The following CTNNA3 variants were observed in gnomAD, a reference collection of about 807,000 sequenced individuals.
CTNNA3 encodes the protein catenin alpha-3.
Under a neutral mutation model 95.7 loss-of-function variants are expected in CTNNA3, and 76 were observed. The ratio of observed to expected loss-of-function variants is 0.79; its 90% CI spans 0.66 to 0.96. The LOEUF is 0.96. Ranked by LOEUF, CTNNA3 falls within the 40% of genes least tolerant of loss-of-function variation. The probability of loss-of-function intolerance (pLI) is 0.00; values close to 1 mark genes in which losing one functional copy is unlikely to be tolerated. For synonymous variants in CTNNA3, 431 were observed against 374.4 expected (o/e 1.15, Z -1.74); for missense variants, 1,191 against 1,089.8 (o/e 1.09, Z -1.31).
At chr10:66,702,752 G>GTAGTAGTAA (rs1847993757) in intron 9 of CTNNA3, among the ~76,000 whole-genome samples, 1 of 149,432 alleles carries the variant, frequency 6.7e-6, no homozygotes, top group African/African-American at 2.5e-5. Flanking sequence ...AGTAGTAGTA[G>GTAGTAGTAA]TAGTAGTAGT....
At chr10:67,082,383 G>A (rs556029921) in intron 7 of CTNNA3, among the ~76,000 whole-genome samples, 47 of 152,266 alleles carry the variant, frequency 3.1e-4, no homozygotes, top group African/African-American at 1.1e-3. Context: ...CTAGCACTGA[G>A]CAGAAGGAAG....
intron 1 of CTNNA3, among the ~76,000 whole-genome samples, chr10:67,734,471 T>A (rs908885225): frequency 6.6e-6 from 1 of 152,122 alleles, no homozygotes; most frequent in African/African-American, 2.4e-5. Flanking sequence ...GGGAAAGGAA[T>A]AATCTAGCAG....
At chr10:66,776,600 T>G (rs1018549779) in intron 7 of CTNNA3, among the ~76,000 whole-genome samples, 6 of 152,150 alleles carry the variant, frequency 3.9e-5, no homozygotes, top group Non-Finnish European at 7.3e-5. Flanking sequence ...TATACTCTCC[T>G]TTACAGTAGC....
intron 7 of CTNNA3, among the ~76,000 whole-genome samples, chr10:67,154,924 C>T (rs181915539): frequency 1.3e-5 from 2 of 152,306 alleles, no homozygotes; most frequent in Admixed American, 6.5e-5. Context: ...TCATCTTCAC[C>T]TCCTACTTCT....
chr10:66,441,812 C>T (rs1045363329), intron 11 of CTNNA3, among the ~76,000 whole-genome samples: 21 of 152,294 alleles, frequency 1.4e-4, no homozygotes, highest in East Asian at 5.8e-4. Context: ...AGTAGATTCA[C>T]AGCTGTGTAT....
intron 7 of CTNNA3, among the ~76,000 whole-genome samples, chr10:67,139,211 C>A (rs997376703): frequency 2.6e-5 from 4 of 152,018 alleles, no homozygotes; most frequent in African/African-American, 9.7e-5. Flanking sequence ...CAGCTCACTG[C>A]AACCTCCGCC....
At chr10:66,787,005 T>C (rs1048697071) in intron 7 of CTNNA3, among the ~76,000 whole-genome samples, 2 of 152,198 alleles carry the variant, frequency 1.3e-5, no homozygotes, top group African/African-American at 4.8e-5. Flanking sequence ...AGAAAATCCT[T>C]CTCTATTCAA....
chr10:66,841,022 C>T (rs967243155), intron 7 of CTNNA3, among the ~76,000 whole-genome samples: 4 of 152,082 alleles, frequency 2.6e-5, no homozygotes, highest in African/African-American at 9.7e-5. Context: ...CAGGAAACCA[C>T]ATTAATTTGA....
At chr10:66,199,825 T>G (rs1348378013) in intron 13 of CTNNA3, among the ~76,000 whole-genome samples, 16 of 106,228 alleles carry the variant, frequency 1.5e-4, no homozygotes, top group Non-Finnish European at 2.3e-4. Flanking sequence ...TTTTTTTTTT[T>G]TTTTTTTTAG....
At chr10:67,142,582 T>C in intron 7 of CTNNA3, among the ~76,000 whole-genome samples, 1 of 152,196 alleles carries the variant, frequency 6.6e-6, no homozygotes, top group Non-Finnish European at 1.5e-5. Flanking sequence ...TATATTACTG[T>C]AGCCTATTAA....
chr10:66,354,542 T>C (rs1034356749), intron 12 of CTNNA3, among the ~76,000 whole-genome samples: 2 of 152,064 alleles, frequency 1.3e-5, no homozygotes, highest in Non-Finnish European at 2.9e-5. Context: ...GGGTGGGTCA[T>C]CTATTTGCAA....
intron 13 of CTNNA3, among the ~76,000 whole-genome samples, chr10:66,116,175 G>A (rs1374210205): frequency 6.6e-6 from 1 of 152,222 alleles, no homozygotes; most frequent in Non-Finnish European, 1.5e-5. Context: ...ATAAGATGTA[G>A]TCAGATATAA....
chr10:67,580,970 G>A (rs1325798834), intron 3 of CTNNA3, among the ~76,000 whole-genome samples: 3 of 152,096 alleles, frequency 2.0e-5, no homozygotes, highest in Non-Finnish European at 4.4e-5. Context: ...TGAGACAATG[G>A]GGTTTTCTAG....
At chr10:67,402,130 G>A (rs750160623) in intron 5 of CTNNA3, among the ~76,000 whole-genome samples, 2 of 152,162 alleles carry the variant, frequency 1.3e-5, no homozygotes, top group Non-Finnish European at 2.9e-5. Context: ...TCAAAATATG[G>A]ATGGCAAAGA....
At chr10:66,415,124 TG>T (rs2093136278) in intron 11 of CTNNA3, among the ~76,000 whole-genome samples, 1 of 152,080 alleles carries the variant, frequency 6.6e-6, no homozygotes, top group Admixed American at 6.5e-5. Flanking sequence ...CACAATGACT[TG>T]GGGATCACCC....
chr10:67,510,546 G>A (rs1055776313), intron 5 of CTNNA3, among the ~76,000 whole-genome samples: 9 of 151,220 alleles, frequency 6.0e-5, no homozygotes, highest in East Asian at 1.9e-4. Flanking sequence ...CTGTTCCATC[G>A]GTCTATATAT....
At chr10:66,315,999 A>G (rs1212194884) in intron 12 of CTNNA3, among the ~76,000 whole-genome samples, 1 of 152,086 alleles carries the variant, frequency 6.6e-6, no homozygotes, top group Non-Finnish European at 1.5e-5. Context: ...TAACACAACC[A>G]ATTTTAACGA....
At position 67,296,934 on chromosome 10, in the gene CTNNA3, C is replaced by CAAAAAAA. The variant is rs1210482029; in HGVS notation, c.580-77071_580-77065dup. Among the ~76,000 whole-genome samples, 107 of 17,658 alleles carry CAAAAAAA rather than the reference C, an allele frequency of 6.1e-3. 20 individuals are homozygous for CAAAAAAA. The East Asian group carries it at 0.088, about 15-fold the overall frequency. The allele number at this position is 17,658 out of a possible 152,430, so 11.6% of individuals were successfully genotyped here. ...GGGCAACAAGAATGAAACGCTGTCTCAAAAAAAAAAAAAAAAAAAAAAAAA... is the reference window on the plus strand; with the variant it reads ...GGGCAACAAGAATGAAACGCTGTCTCAAAAAAAAAAAAAAAAAAAAAAAAAAAAAAAA... On this transcript the variant is annotated intron_variant, in intron 5 of 17. Transcript: ENST00000433211.
chr10:66,170,239 G>GTCT (rs2085345891), intron 13 of CTNNA3, among the ~76,000 whole-genome samples: 2 of 67,628 alleles, frequency 3.0e-5, no homozygotes, highest in East Asian at 8.2e-4. Context: ...CCTCCTCATT[G>GTCT]TCTTTTTTTT....
Sources: allele counts gnomAD v4.1 joint callset (sites outside exome capture counted in the v4.1 genomes callset), GRCh38; gene constraint gnomAD v4.1.1; transcripts MANE v1.5; gene names NCBI Gene and HGNC (gene_info 2026-07-23, HGNC 2026-07-21).